The following ADGRB3 variants were observed in gnomAD, a reference collection of about 807,000 sequenced individuals.
The protein encoded by ADGRB3 is brain-specific angiogenesis inhibitor 3.
ADGRB3 carries 37 observed loss-of-function variants against 193.4 expected under a neutral mutation model. The observed-to-expected ratio is 0.19, with a 90% confidence interval of 0.15 to 0.25. The LOEUF is 0.25. Among genes scored for constraint, ADGRB3 ranks in the 10% least tolerant of loss-of-function variants. The probability of loss-of-function intolerance (pLI) is 1.00; values close to 1 mark genes in which losing one functional copy is unlikely to be tolerated. For synonymous variants in ADGRB3, 690 were observed against 644.2 expected, an observed-to-expected ratio of 1.07 and a Z score of -1.08; for missense variants, 1,637 against 1,852.9, an observed-to-expected ratio of 0.88 and a Z score of 2.14.
chr6:69,149,869 C>T (rs1774619011), intron 17 of ADGRB3, among the ~76,000 whole-genome samples: 1 of 151,816 alleles, frequency 6.6e-6, no homozygotes, highest in Admixed American at 6.6e-5. Flanking sequence ...GCTCTCTTCC[C>T]CTTACTTTCA....
chr6:69,366,688 G>C (rs532351377), intron 29 of ADGRB3, among the ~76,000 whole-genome samples: 1 of 152,184 alleles, frequency 6.6e-6, no homozygotes, highest in South Asian at 2.1e-4. Flanking sequence ...CAGTTGACCT[G>C]TTCATAATGG....
intron 20 of ADGRB3, among the ~76,000 whole-genome samples, chr6:69,295,338 A>G (rs900791559): frequency 1.3e-5 from 2 of 152,190 alleles, no homozygotes; most frequent in African/African-American, 4.8e-5. Context: ...GGCTAGGACT[A>G]TGGCTGGTGG....
intron 17 of ADGRB3, among the ~76,000 whole-genome samples, chr6:69,095,476 A>C (rs2150319127): frequency 6.6e-6 from 1 of 152,300 alleles, no homozygotes; most frequent in East Asian, 1.9e-4. Context: ...GGCACACCCA[A>C]CATATTTAGT....
chr6:69,241,243 A>T (rs1318347807), intron 20 of ADGRB3, among the ~76,000 whole-genome samples: 1 of 151,946 alleles, frequency 6.6e-6, no homozygotes, highest in Non-Finnish European at 1.5e-5. Context: ...ATGTAATTTA[A>T]ATTATATTAG....
chr6:69,245,152 A>G (rs902537692), intron 20 of ADGRB3, among the ~76,000 whole-genome samples: 11 of 152,008 alleles, frequency 7.2e-5, no homozygotes, highest in African/African-American at 2.7e-4. Context: ...TCATCCACCT[A>G]TGACAATTTA....
intron 11 of ADGRB3, among the ~76,000 whole-genome samples, 183 bp downstream of exon 11, chr6:68,994,145 C>T (rs537993195): frequency 2.9e-4 from 44 of 152,120 alleles, no homozygotes; most frequent in Non-Finnish European, 4.4e-4. Context: ...TCAATGTCCT[C>T]GCCCATAAAA....
At chr6:68,867,560 GAAGC>G (rs1213928994) in intron 3 of ADGRB3, among the ~76,000 whole-genome samples, 1 of 152,128 alleles carries the variant, frequency 6.6e-6, no homozygotes, top group Non-Finnish European at 1.5e-5. Context: ...GCTATACAAA[GAAGC>G]CACCATTCTC....
chr6:69,366,533 C>T (rs1365864500), intron 29 of ADGRB3, among the ~76,000 whole-genome samples: 3 of 152,080 alleles, frequency 2.0e-5, no homozygotes, highest in African/African-American at 7.2e-5. Flanking sequence ...GGAGAAATGC[C>T]TCTATGCATA....
At chr6:69,059,308 A>G (rs1218567832) in intron 15 of ADGRB3, among the ~76,000 whole-genome samples, 2 of 151,950 alleles carry the variant, frequency 1.3e-5, no homozygotes, top group African/African-American at 2.4e-5. Flanking sequence ...TTTACATAGG[A>G]TGTTTTATCC....
At chr6:68,914,282 G>A (rs1167343168) in intron 3 of ADGRB3, among the ~76,000 whole-genome samples, 1 of 151,674 alleles carries the variant, frequency 6.6e-6, no homozygotes, top group African/African-American at 2.4e-5. Context: ...AATGTTAAGG[G>A]CAGCCAGAGA....
intron 3 of ADGRB3, among the ~76,000 whole-genome samples, chr6:68,857,856 T>C (rs1037452831): frequency 1.3e-5 from 2 of 152,178 alleles, no homozygotes; most frequent in Non-Finnish European, 2.9e-5. Flanking sequence ...TTCCACTTGT[T>C]GTGGGAGAGA....
intron 17 of ADGRB3, among the ~76,000 whole-genome samples, chr6:69,115,009 C>T (rs953158823): frequency 3.3e-5 from 5 of 152,078 alleles, no homozygotes; most frequent in African/African-American, 7.2e-5. Context: ...AGTGTAAATT[C>T]GTTCAACCAT....
chr6:68,905,331 C>T (rs954848646), intron 3 of ADGRB3, among the ~76,000 whole-genome samples: 1 of 152,158 alleles, frequency 6.6e-6, no homozygotes, highest in Non-Finnish European at 1.5e-5. Context: ...CTGACATGAA[C>T]TTCACAAAGC....
chr6:68,687,882 C>A (rs1765011232), intron 3 of ADGRB3, among the ~76,000 whole-genome samples: 1 of 152,094 alleles, frequency 6.6e-6, no homozygotes, highest in South Asian at 2.1e-4. Context: ...TATTTTTCTC[C>A]AGTGTTAGTA....
intron 15 of ADGRB3, among the ~76,000 whole-genome samples, chr6:69,059,122 CAT>C (rs1771639237): frequency 6.6e-6 from 1 of 152,020 alleles, no homozygotes; most frequent in African/African-American, 2.4e-5. Flanking sequence ...GTTTGCTTCA[CAT>C]GTTTGGGTGC....
At chr6:69,387,058 C>T (rs1770087840) in intron 31 of ADGRB3, among the ~76,000 whole-genome samples, 2 of 152,108 alleles carry the variant, frequency 1.3e-5, no homozygotes, top group African/African-American at 2.4e-5. Context: ...GTTCTGCCAA[C>T]TCCTTGGCCC....
At chr6:68,974,725 C>A in intron 8 of ADGRB3, 38 bp from the exon 9 acceptor site, 1 of 1,577,496 alleles carries the variant, frequency 6.3e-7, no homozygotes, top group Non-Finnish European at 8.7e-7. Context: ...ATTTTTTAAA[C>A]ACTACTGACA....
intron 26 of ADGRB3, among the ~76,000 whole-genome samples, chr6:69,341,836 C>T (rs1362189971): frequency 6.6e-6 from 1 of 152,076 alleles, no homozygotes; most frequent in Non-Finnish European, 1.5e-5. Context: ...AAGTAAGATA[C>T]ATGATGATAT....
intron 3 of ADGRB3, among the ~76,000 whole-genome samples, chr6:68,763,559 G>A (rs1342031295): frequency 1.3e-5 from 2 of 152,088 alleles, no homozygotes; most frequent in Admixed American, 1.3e-4. Flanking sequence ...TTAAAGGCTG[G>A]TAGAATTACT....
Sources: allele counts gnomAD v4.1 joint callset (sites outside exome capture counted in the v4.1 genomes callset), GRCh38; gene constraint gnomAD v4.1.1; transcripts MANE v1.5; gene names NCBI Gene and HGNC (gene_info 2026-07-23, HGNC 2026-07-21).